Variants in SIK2 observed in about 807,000 individuals in gnomAD.
SIK2 encodes the protein salt inducible kinase 2, also known as serine/threonine-protein kinase SIK2.
A neutral mutation model predicts 103.2 loss-of-function variants in SIK2; 29 were observed. The observed-to-expected ratio is 0.28, with a 90% confidence interval of 0.21 to 0.38. The LOEUF is 0.38. Among genes scored for constraint, SIK2 ranks in the 10% least tolerant of loss-of-function variants. The pLI, the probability that SIK2 is intolerant of heterozygous loss-of-function variation, is 1.00. For missense variants in SIK2, 879 were observed against 1,171.0 expected (o/e 0.75, Z 3.64); for synonymous variants, 412 against 446.1 (o/e 0.92, Z 0.96).
At chr11:111,682,837 T>G (rs1353873625) in intron 3 of SIK2, among the ~76,000 whole-genome samples, 1 of 152,246 alleles carries the variant, frequency 6.6e-6, no homozygotes, top group African/African-American at 2.4e-5. Flanking sequence ...TTACCTTGCC[T>G]GTGCTAGTAT....
chr11:111,711,463 C>T (rs917817787), intron 8 of SIK2, among the ~76,000 whole-genome samples: 2 of 152,160 alleles, frequency 1.3e-5, no homozygotes, highest in Non-Finnish European at 2.9e-5. Context: ...GCTTGTTTCC[C>T]TAGAGTAGTT....
Position 111,726,920 on chromosome 11 carries a change from T to G in SIK2, c.*2791T>G. 6.3e-7 allele frequency: 1 copy of G among 1,588,838 alleles called. No homozygotes were observed. Among genetic ancestry groups the G allele is most frequent in the Non-Finnish European group, 8.6e-7 (1 of 1,158,106 alleles). The stretch of plus-strand genomic sequence containing the variant: ...ATTTCGTTCGGCAAAAAGTGCAATA[T>G]GTGTGGTACTTTATTTTTTATGTTC... On this transcript the variant is annotated 3_prime_UTR_variant, in exon 15 of 15. Coordinates refer to ENST00000304987, the MANE Select transcript of SIK2 (RefSeq NM_015191.3).
chr11:111,609,392 C>G (rs551825), intron 1 of SIK2, among the ~76,000 whole-genome samples: 90,381 of 151,870 alleles, frequency 0.6, 30,042 homozygotes, highest in East Asian at 0.96. Flanking sequence ...CGAGATTACA[C>G]CTCACTGCAG....
Position 111,723,745 on chromosome 11 carries a change from T to C in SIK2, c.2397T>C (p.Leu799=). 1.8e-5 allele frequency: 29 copies of C among 1,614,104 alleles called. No homozygotes were observed. Among genetic ancestry groups the C allele is most frequent in the Non-Finnish European group, 2.4e-5 (28 of 1,180,046 alleles). The change falls in exon 15 of 15, where the codon CTT becomes CTC. Residue 799 remains leucine, a synonymous_variant. Coordinates refer to ENST00000304987, the MANE Select transcript of SIK2 (RefSeq NM_015191.3). ...PFLSQYQEMQ[L]QPLPSTSGPR... ...TCAGCCAGTACCAAGAGATGCAGCT[T>C]CAGCCCCTGCCCTCCACTTCCGGTC...
intron 8 of SIK2, among the ~76,000 whole-genome samples, chr11:111,708,216 T>C (rs1011783721): frequency 6.6e-6 from 1 of 152,022 alleles, no homozygotes; most frequent in Non-Finnish European, 1.5e-5. Flanking sequence ...ATGCCATCTC[T>C]ACTAAAAACA....
chr11:111,605,252 C>T (rs549436580), intron 1 of SIK2, among the ~76,000 whole-genome samples: 2 of 152,262 alleles, frequency 1.3e-5, no homozygotes, highest in East Asian at 1.9e-4. Context: ...CGTGAGCCAC[C>T]GCGCCTGGCC....
At chr11:111,706,959 C>CAAAAAA (rs763828886) in intron 8 of SIK2, among the ~76,000 whole-genome samples, 1 of 52,082 alleles carries the variant, frequency 1.9e-5, no homozygotes. Flanking sequence ...GACTCCGTCT[C>CAAAAAA]AAAAAAAAAA....
rs553230260 is a variant in SIK2 at position 111,635,584 on chromosome 11, A to G, written c.316+15182A>G. Among the ~76,000 whole-genome samples, 263 of 152,344 alleles carry G rather than the reference A, an allele frequency of 1.7e-3. 3 individuals carry two copies. Among genetic ancestry groups the G allele is most frequent in the African/African-American group, 6.1e-3 (254 of 41,570 alleles). On this transcript the variant is annotated intron_variant, in intron 3 of 14. Transcript: ENST00000304987. ...AAATAGTTGTCTGTAAATCGAAGGA[A>G]ATAAAGTTAAGTTTTTCAACATGGA...
Position 111,728,812 on chromosome 11 carries a change from T to C in SIK2, c.*4683T>C, listed in dbSNP as rs1461968596. 1 of 151,680 alleles carries C rather than the reference T, an allele frequency of 6.6e-6. No individual in the cohort carries two copies. The highest frequency in any genetic ancestry group is 1.5e-5 in the Non-Finnish European group (1 of 67,982). 9.4% of individuals were successfully genotyped at this position (151,680 alleles called of 1,614,324 possible). A position where few individuals can be genotyped will look rare whatever the true frequency, so the allele number is the denominator to read the frequency against. ...GGTGGTGGGCGCCTGTAGTTCCAGC[T>C]ACTCGGGAGGCTGAGGCAGGAGAAT... On this transcript the variant is annotated 3_prime_UTR_variant, in exon 15 of 15. Coordinates refer to ENST00000304987, the MANE Select transcript of SIK2 (RefSeq NM_015191.3).
At chr11:111,673,314 T>C (rs961193070) in intron 3 of SIK2, among the ~76,000 whole-genome samples, 1 of 152,202 alleles carries the variant, frequency 6.6e-6, no homozygotes, top group African/African-American at 2.4e-5. Flanking sequence ...GTCACAAGGT[T>C]TGATATCCAT....
chr11:111,705,628 A>G lies in SIK2; in HGVS notation c.1101+489A>G, dbSNP rs1453900928. ...GGCACATCTGAACAGGGGGAATGGC[A>G]TGTAAGACACATCTTCACAGATGGG... On this transcript the variant is annotated intron_variant, in intron 8 of 14. Transcript: ENST00000304987. This position sits in a 1 kb window ranked among gnomAD's most constrained non-coding sequence, Gnocchi z 4.3. Among the ~76,000 whole-genome samples the G allele has an allele frequency of 1.3e-5, 2 of 152,212 alleles. No homozygotes were observed. Among genetic ancestry groups the G allele is most frequent in the Non-Finnish European group, 2.9e-5 (2 of 68,028 alleles).
intron 3 of SIK2, among the ~76,000 whole-genome samples, chr11:111,640,049 G>A (rs1942160097): frequency 6.6e-6 from 1 of 152,300 alleles, no homozygotes; most frequent in South Asian, 2.1e-4. Context: ...TGCATCCCTT[G>A]TGGTATTCCA....
At chr11:111,628,416 A>ATCTTTCTTTCTTTCTT (rs112377118) in intron 3 of SIK2, among the ~76,000 whole-genome samples, 1,668 of 125,666 alleles carry the variant, frequency 0.013, 80 homozygotes, top group East Asian at 0.037. Flanking sequence ...CCGCTTTCAT[A>ATCTTTCTTTCTTTCTT]TCTTTCTTTC....
intron 3 of SIK2, among the ~76,000 whole-genome samples, chr11:111,687,043 CTCT>C (rs1942855520): frequency 6.6e-6 from 1 of 152,000 alleles, no homozygotes; most frequent in Non-Finnish European, 1.5e-5. Flanking sequence ...CATTTATTTC[CTCT>C]GTTTTACATA....
Position 111,722,038 on chromosome 11 carries a change from A to T in SIK2, c.2055+98A>T. The T allele has an allele frequency of 1.1e-6, 1 of 895,282 alleles. No homozygotes were observed. The allele number at this position is 895,282 out of a possible 1,614,324, so 55.5% of individuals were successfully genotyped here. On this transcript the variant is annotated intron_variant, in intron 13 of 14. Coordinates refer to ENST00000304987, the MANE Select transcript of SIK2 (RefSeq NM_015191.3). This position sits in a 1 kb window ranked among gnomAD's most constrained non-coding sequence, Gnocchi z 4.4. ...GTTTTGCCTGGCATTTATTTAGGGT[A>T]GCTGCTTGATTCCTTATAGGCAAGT...
At chr11:111,668,512 G>GTCT (rs371652516) in intron 3 of SIK2, among the ~76,000 whole-genome samples, 57 of 152,216 alleles carry the variant, frequency 3.7e-4, no homozygotes, top group African/African-American at 1.3e-3. Context: ...CACACCTTAG[G>GTCT]TCTGAGCTAT....
chr11:111,674,602 A>AAT (rs1270212989), intron 3 of SIK2, among the ~76,000 whole-genome samples: 6 of 152,264 alleles, frequency 3.9e-5, no homozygotes, highest in African/African-American at 1.4e-4. Context: ...ATGCATGTAT[A>AAT]ATAGTTAAGG....
chr11:111,722,152 AG>A lies in SIK2; in HGVS notation c.2055+213del, dbSNP rs1943821362. Among the ~76,000 whole-genome samples the A allele has an allele frequency of 6.6e-6, 1 of 152,202 alleles. No homozygotes were observed. Among genetic ancestry groups the A allele is most frequent in the African/African-American group, 2.4e-5 (1 of 41,456 alleles). On this transcript the variant is annotated intron_variant, in intron 13 of 14. Coordinates refer to ENST00000304987, the MANE Select transcript of SIK2 (RefSeq NM_015191.3). The surrounding 1 kb of genome is among the most constrained non-coding windows in gnomAD (Gnocchi z 4.4). ...GGTGGTGGGAAAGGCTTTGTCCTCAAGCCCCACGAAAGGATATGCCACTGAG... is the reference window on the plus strand; with the variant it reads ...GGTGGTGGGAAAGGCTTTGTCCTCAACCCCACGAAAGGATATGCCACTGAG...
At position 111,705,018 on chromosome 11, in the gene SIK2, C is replaced by G. The variant is rs1304549653; in HGVS notation, c.980C>G (p.Ala327Gly). Residue 327 changes from alanine to glycine, a missense_variant, in exon 8 of 15, where the codon GCT (alanine) becomes GGT (glycine). Transcript: ENST00000304987. This position sits in a 1 kb window ranked among gnomAD's most constrained non-coding sequence, Gnocchi z 4.3. ...CAGAACAAGAGCTATAACCACTTTG[C>G]TGCCATTTATTTCTTGTTGGTGGAG... Reference protein sequence around the residue: ...SLQNKSYNHFAAIYFLLVERL... With the variant: ...SLQNKSYNHFGAIYFLLVERL... The G allele has an allele frequency of 6.2e-7, 1 of 1,608,212 alleles. No homozygotes were observed. The highest frequency in any genetic ancestry group is 1.1e-5 in the South Asian group (1 of 89,602).
Sources: gnomAD v4.1 joint callset for allele counts (sites outside exome capture counted in the v4.1 genomes callset) on GRCh38, gnomAD v4.1.1 for gene constraint, Gnocchi (gnomAD v3.1) non-coding constraint, MANE v1.5 for transcripts, NCBI Gene and HGNC (gene_info 2026-07-23, HGNC 2026-07-21) for gene names.